The following ATP9A variants were observed in gnomAD, a reference collection of about 807,000 sequenced individuals.
The protein encoded by ATP9A is ATPase phospholipid transporting 9A.
A neutral mutation model predicts 144.1 loss-of-function variants in ATP9A; 52 were observed. The observed-to-expected ratio is 0.36, with a 90% CI of 0.29 to 0.45. The LOEUF is 0.45. Ranked by LOEUF, ATP9A falls within the 20% of genes least tolerant of loss-of-function variation. The pLI, the probability that ATP9A is intolerant of heterozygous loss-of-function variation, is 1.00. For missense variants in ATP9A, 947 were observed against 1,392.7 expected (o/e 0.68, Z 5.09); for synonymous variants, 582 against 557.4 (o/e 1.04, Z -0.62).
rs1178091913 is a variant in ATP9A, at chr20:51,635,699, C to T, written c.1668+3644G>A. 6.6e-5 allele frequency among the ~76,000 whole-genome samples: 10 copies of T among 150,410 alleles called. 1 individual carries two copies. Among genetic ancestry groups the T allele is most frequent in the Admixed American group, 2.0e-4 (3 of 15,006 alleles). On this transcript the variant is annotated intron_variant, in intron 15 of 27. Coordinates refer to ENST00000338821, the MANE Select transcript of ATP9A (RefSeq NM_006045.3). ...CTGCAGTGAGCCATGATTATGCCAC[C>T]GCACTCCACCCTAGGCAACAGAGCA...
chr20:51,669,853 C>A, intron 13 of ATP9A, 144 bp downstream of exon 13: 1 of 660,248 alleles, frequency 1.5e-6, no homozygotes, highest in Admixed American at 2.8e-5. Flanking sequence ...GACAGTTGCT[C>A]AACTCTGAAT....
chr20:51,714,317 G>A (rs2077652752), intron 3 of ATP9A, among the ~76,000 whole-genome samples: 1 of 152,072 alleles, frequency 6.6e-6, no homozygotes, highest in Non-Finnish European at 1.5e-5. Context: ...GGAGTAGCTG[G>A]GACCACAGGT....
At chr20:51,745,660 C>G (rs904062589) in intron 1 of ATP9A, among the ~76,000 whole-genome samples, 2 of 152,062 alleles carry the variant, frequency 1.3e-5, no homozygotes, top group African/African-American at 4.8e-5. Context: ...AGAGTGTAAT[C>G]TGGCCCCAAA....
intron 1 of ATP9A, among the ~76,000 whole-genome samples, chr20:51,746,839 AAAAAACAAAAAC>A (rs775553510): frequency 3.4e-4 from 51 of 152,118 alleles, no homozygotes; most frequent in African/African-American, 1.2e-3. Context: ...ACTCCATCTC[AAAAAACAAAAAC>A]AAAAATCAAT....
At chr20:51,623,800 AAAAAG>A (rs1274540017) in intron 18 of ATP9A, among the ~76,000 whole-genome samples, 27 of 144,308 alleles carry the variant, frequency 1.9e-4, no homozygotes, top group Non-Finnish European at 1.7e-4. Context: ...AAAAAAAAAA[AAAAAG>A]AAAGAAAGAA....
At chr20:51,681,730 A>G (rs1318200559) in intron 9 of ATP9A, among the ~76,000 whole-genome samples, 1 of 151,968 alleles carries the variant, frequency 6.6e-6, no homozygotes, top group Non-Finnish European at 1.5e-5. Context: ...CCTCCATCCG[A>G]AACTTCTAAT....
chr20:51,683,583 T>A (rs748275050), intron 9 of ATP9A, among the ~76,000 whole-genome samples: 8 of 152,100 alleles, frequency 5.3e-5, no homozygotes, highest in Non-Finnish European at 1.0e-4. Flanking sequence ...CACCTGGCCA[T>A]GTTTTTATTT....
intron 2 of ATP9A, among the ~76,000 whole-genome samples, chr20:51,728,049 G>A (rs560503005): frequency 1.7e-3 from 257 of 152,234 alleles, no homozygotes; most frequent in Non-Finnish European, 2.9e-3. Context: ...GCATGCACCC[G>A]AGAGTCAGAC....
chr20:51,602,774 T>C (rs2077148161), intron 27 of ATP9A, among the ~76,000 whole-genome samples: 1 of 152,246 alleles, frequency 6.6e-6, no homozygotes. Context: ...TTTGTTGTTA[T>C]TGCCCCTTAA....
chr20:51,721,894 C>T (rs1234340418), intron 3 of ATP9A, among the ~76,000 whole-genome samples: 1 of 151,504 alleles, frequency 6.6e-6, no homozygotes, highest in Non-Finnish European at 1.5e-5. Flanking sequence ...CAAGACTAAG[C>T]AAAAAGAACA....
chr20:51,684,737 G>A (rs1462037809), intron 9 of ATP9A, among the ~76,000 whole-genome samples: 1 of 149,550 alleles, frequency 6.7e-6, no homozygotes, highest in Non-Finnish European at 1.5e-5. Flanking sequence ...AGGCCTGGGC[G>A]CGGTGGCTCA....
At chr20:51,668,996 A>C (rs1401416574) in intron 13 of ATP9A, among the ~76,000 whole-genome samples, 1 of 152,156 alleles carries the variant, frequency 6.6e-6, no homozygotes, top group Non-Finnish European at 1.5e-5. Flanking sequence ...TGGTCTTCTG[A>C]CTATGGGAAT....
chr20:51,727,997 C>T (rs996177868), intron 2 of ATP9A, among the ~76,000 whole-genome samples: 25 of 152,094 alleles, frequency 1.6e-4, no homozygotes, highest in African/African-American at 5.6e-4. Context: ...GTCAAATCCT[C>T]CCCTGGGGAG....
At chr20:51,689,302 C>T (rs6126300) in intron 8 of ATP9A, among the ~76,000 whole-genome samples, 163 bp from the exon 9 acceptor site, 1 of 152,112 alleles carries the variant, frequency 6.6e-6, no homozygotes, top group African/African-American at 2.4e-5. Context: ...GAGGGCCAAG[C>T]TCTTCCACTA....
At position 51,655,637 on chromosome 20, in the gene ATP9A, T is replaced by C. The variant is rs116427397; in HGVS notation, c.1506+1301A>G. ...TCCAAACAACTGACAGTAACAAGGA[T>C]TGACCGAGATGTGGAGAAACGGAAA... On this transcript the variant is annotated intron_variant, in intron 14 of 27. Transcript: ENST00000338821. Among the ~76,000 whole-genome samples, 547 of 152,208 alleles carry C rather than the reference T, an allele frequency of 3.6e-3. 8 individuals are homozygous for C. The highest frequency in any genetic ancestry group is 0.013 in the African/African-American group (534 of 41,528).
intron 14 of ATP9A, among the ~76,000 whole-genome samples, chr20:51,640,989 T>C (rs1346094632): frequency 2.0e-5 from 3 of 151,748 alleles, no homozygotes; most frequent in Non-Finnish European, 2.9e-5. Flanking sequence ...CTTGGGGAGG[T>C]TGACGCAGGA....
chr20:51,718,814 C>CAAAA (rs71192550), intron 3 of ATP9A, among the ~76,000 whole-genome samples: 42 of 57,690 alleles, frequency 7.3e-4, no homozygotes, highest in African/African-American at 2.0e-3. Context: ...GACTCCATCT[C>CAAAA]AAAAAAAAAA....
At chr20:51,602,212 C>T (rs1016316844) in intron 27 of ATP9A, among the ~76,000 whole-genome samples, 3 of 152,090 alleles carry the variant, frequency 2.0e-5, no homozygotes, top group Admixed American at 1.3e-4. Context: ...GATTATAAAC[C>T]CGGTTATGAG....
intron 1 of ATP9A, among the ~76,000 whole-genome samples, chr20:51,745,439 G>A (rs902919011): frequency 7.5e-6 from 1 of 133,316 alleles, no homozygotes; most frequent in African/African-American, 2.9e-5. Context: ...AAAAAAAAAA[G>A]GAAAAAAATT....
Sources: allele counts gnomAD v4.1 joint callset (sites outside exome capture counted in the v4.1 genomes callset), GRCh38; gene constraint gnomAD v4.1.1; transcripts MANE v1.5; gene names NCBI Gene and HGNC (gene_info 2026-07-23, HGNC 2026-07-21).